Variants in CTNNA2 observed in about 807,000 individuals in gnomAD.
The protein encoded by CTNNA2 is catenin alpha 2.
In CTNNA2, 42 loss-of-function variants were observed where a neutral mutation model predicts 101.0. That is an observed-to-expected ratio of 0.42 (90% confidence interval 0.32 to 0.54). The LOEUF (loss-of-function observed/expected upper bound fraction) is 0.54. CTNNA2 is among the 20% of genes least tolerant of loss of function. The pLI is 0.14. For missense variants in CTNNA2, 871 were observed against 1,223.1 expected, an observed-to-expected ratio of 0.71 and a Z score of 4.29; for synonymous variants, 450 against 456.4, an observed-to-expected ratio of 0.99 and a Z score of 0.18.
chr2:80,612,775 A>C (rs895955971), intron 17 of CTNNA2, among the ~76,000 whole-genome samples: 1 of 151,384 alleles, frequency 6.6e-6, no homozygotes. Context: ...TATTTTGTCT[A>C]TAGTCAATTC....
intron 2 of CTNNA2, among the ~76,000 whole-genome samples, chr2:79,677,381 G>A (rs1472805186): frequency 1.3e-5 from 2 of 151,936 alleles, no homozygotes; most frequent in Non-Finnish European, 2.9e-5. Context: ...TCCCTTCTTT[G>A]GACTCTTTCT....
chr2:80,400,440 G>T (rs1291333110), intron 8 of CTNNA2, among the ~76,000 whole-genome samples: 1 of 152,158 alleles, frequency 6.6e-6, no homozygotes, highest in African/African-American at 2.4e-5. Context: ...TCCCATGGAT[G>T]CTGCTGCTGA....
intron 18 of CTNNA2, among the ~76,000 whole-genome samples, chr2:80,622,401 T>C (rs1671228639): frequency 6.6e-6 from 1 of 151,828 alleles, no homozygotes; most frequent in African/African-American, 2.4e-5. Context: ...ATTAACAGAT[T>C]TAGAAACGTC....
chr2:79,286,755 G>T (rs1397469403), intron 2 of CTNNA2, among the ~76,000 whole-genome samples: 2 of 151,052 alleles, frequency 1.3e-5, no homozygotes, highest in Non-Finnish European at 3.0e-5. Flanking sequence ...TTCTCGAGGA[G>T]TATCTTTGTG....
Position 79,386,542 on chromosome 2 carries a change from T to C in CTNNA2, c.-135+12529T>C, listed in dbSNP as rs1273237032. Among the ~76,000 whole-genome samples, 3 of 152,356 alleles carry C rather than the reference T, an allele frequency of 2.0e-5. 1 individual carries two copies. The highest frequency in any genetic ancestry group is 6.8e-3 in the Middle Eastern group (2 of 294). On this transcript the variant is annotated intron_variant, in intron 4 of 21. Transcript: ENST00000466387. ...GGTTCTTCTTAATGAAAACATAACATAGTCTCTTAATTTGAAATAAAGAGT... is the reference window on the plus strand; with the variant it reads ...GGTTCTTCTTAATGAAAACATAACACAGTCTCTTAATTTGAAATAAAGAGT...
intron 4 of CTNNA2, among the ~76,000 whole-genome samples, chr2:79,387,925 A>G (rs187776392): frequency 6.6e-6 from 1 of 152,350 alleles, no homozygotes; most frequent in East Asian, 1.9e-4. Context: ...AGGAACTAAT[A>G]TAACCAGAGA....
At chr2:79,278,764 G>T (rs1675283331) in intron 2 of CTNNA2, among the ~76,000 whole-genome samples, 1 of 152,086 alleles carries the variant, frequency 6.6e-6, no homozygotes, top group African/African-American at 2.4e-5. Context: ...GAGAGTGTCA[G>T]GGACTGACTG....
chr2:79,508,295 C>T (rs959407318), upstream of CTNNA2, among the ~76,000 whole-genome samples: 24 of 152,260 alleles, frequency 1.6e-4, no homozygotes, highest in Middle Eastern at 3.4e-3. Flanking sequence ...GGACTTCAGT[C>T]ATTTGCTTTT....
chr2:80,533,272 C>A (rs561889423), intron 9 of CTNNA2, among the ~76,000 whole-genome samples: 1 of 152,104 alleles, frequency 6.6e-6, no homozygotes, highest in African/African-American at 2.4e-5. Flanking sequence ...TTCAGCAACA[C>A]GTGGATTTTG....
At chr2:79,370,873 G>C (rs927579667) in intron 3 of CTNNA2, among the ~76,000 whole-genome samples, 1 of 152,140 alleles carries the variant, frequency 6.6e-6, no homozygotes, top group African/African-American at 2.4e-5. Context: ...TGGTGGGAAG[G>C]CAGCAATCAC....
intron 18 of CTNNA2, among the ~76,000 whole-genome samples, chr2:80,626,942 C>T (rs1462610322): frequency 6.6e-6 from 1 of 151,982 alleles, no homozygotes; most frequent in African/African-American, 2.4e-5. Context: ...TCAACTCCCA[C>T]TTATGGTGAG....
intron 4 of CTNNA2, among the ~76,000 whole-genome samples, chr2:79,405,540 G>T (rs1290740567): frequency 6.6e-6 from 1 of 151,906 alleles, no homozygotes; most frequent in African/African-American, 2.4e-5. Context: ...TGACCAGGTG[G>T]ATCTTGAACT....
intron 7 of CTNNA2, among the ~76,000 whole-genome samples, chr2:80,230,688 G>A (rs1709158340): frequency 1.3e-5 from 2 of 152,256 alleles, no homozygotes; most frequent in African/African-American, 4.8e-5. Context: ...GTGGCCACAA[G>A]GCTTGGAACC....
intron 7 of CTNNA2, among the ~76,000 whole-genome samples, chr2:80,112,281 T>A (rs539816869): frequency 3.3e-4 from 50 of 152,278 alleles, no homozygotes; most frequent in African/African-American, 1.1e-3. Flanking sequence ...TATATTAAAT[T>A]GAAATTTTGA....
chr2:79,338,254 A>AAAAAAAAAAAAAAAT (rs1677041914), intron 3 of CTNNA2, among the ~76,000 whole-genome samples: 1 of 151,478 alleles, frequency 6.6e-6, no homozygotes, highest in Admixed American at 6.6e-5. Flanking sequence ...TCAAAAAAAA[A>AAAAAAAAAAAAAAAT]AAATTGGTAG....
In CTNNA2 at chr2:79,896,901, G is replaced by T. The variant is rs560588426; in HGVS notation, c.853-12693G>T. Reference sequence around the variant, plus strand: ...ACACGGTTACACATGAAGCATACTGGGGTGGGGCAATGCAGAGACCACTTT... The same window carrying T: ...ACACGGTTACACATGAAGCATACTGTGGTGGGGCAATGCAGAGACCACTTT... On this transcript the variant is annotated intron_variant, in intron 6 of 18. Coordinates refer to ENST00000402739, the MANE Select transcript of CTNNA2 (RefSeq NM_001282597.3). Among the ~76,000 whole-genome samples, 36 of 152,294 alleles carry T rather than the reference G, an allele frequency of 2.4e-4. No individual in the cohort carries two copies. In the East Asian group the frequency reaches 4.3e-3, roughly 18 times the overall value.
At chr2:80,439,874 A>C (rs1391867611) in intron 9 of CTNNA2, among the ~76,000 whole-genome samples, 2 of 152,214 alleles carry the variant, frequency 1.3e-5, no homozygotes, top group Non-Finnish European at 2.9e-5. Context: ...CTAGAGTCCA[A>C]ATTAACTGAG....
At chr2:80,263,762 G>A (rs1051846062) in intron 7 of CTNNA2, among the ~76,000 whole-genome samples, 6 of 152,178 alleles carry the variant, frequency 3.9e-5, no homozygotes, top group Admixed American at 6.5e-5. Context: ...TATTATCATA[G>A]AAGTTTCTAC....
intron 1 of CTNNA2, among the ~76,000 whole-genome samples, chr2:79,585,229 A>G (rs1176992428): frequency 6.6e-6 from 1 of 151,620 alleles, no homozygotes; most frequent in Non-Finnish European, 1.5e-5. Flanking sequence ...TATTACTTTT[A>G]TCTCTTAATG....
Sources: gnomAD v4.1 joint callset for allele counts (sites outside exome capture counted in the v4.1 genomes callset) on GRCh38, gnomAD v4.1.1 for gene constraint, MANE v1.5 for transcripts, NCBI Gene and HGNC (gene_info 2026-07-23, HGNC 2026-07-21) for gene names.